EPHA8: variants seen among roughly 807,000 people sequenced by gnomAD.
EPHA8 encodes the protein ephrin type-A receptor 8.
Under a neutral mutation model 103.6 loss-of-function variants are expected in EPHA8, and 58 were observed. The ratio of observed to expected loss-of-function variants is 0.56; its 90% CI spans 0.45 to 0.70. The LOEUF is 0.70. EPHA8 is among the 30% of genes least tolerant of loss of function. The pLI is 0.00. For synonymous variants in EPHA8, 559 were observed against 572.5 expected, an observed-to-expected ratio of 0.98 and a Z score of 0.34; for missense variants, 1,304 against 1,395.2, an observed-to-expected ratio of 0.93 and a Z score of 1.04.
At chr1:22,600,837 C>T (rs373317645) in intron 14 of EPHA8, 27 bp downstream of exon 14, 21 of 1,590,338 alleles carry the variant, frequency 1.3e-5, no homozygotes, top group East Asian at 1.1e-4. Flanking sequence ...GGCAGGTCCG[C>T]GGGCGGTGGA....
chr1:22,597,894 A>T lies in EPHA8; in HGVS notation c.2116+33A>T, dbSNP rs776371574. ...CCGGGCAAAGACAGCCTCCCCCTGCAGTGCCCCTCCTGCCTGGAGAGGCCT... is the reference window on the plus strand; with the variant it reads ...CCGGGCAAAGACAGCCTCCCCCTGCTGTGCCCCTCCTGCCTGGAGAGGCCT... On this transcript the variant is annotated intron_variant, in intron 11 of 16. Coordinates refer to ENST00000166244, the MANE Select transcript of EPHA8 (RefSeq NM_020526.5). The surrounding 1 kb of genome is among the most constrained non-coding windows in gnomAD (Gnocchi z 4.6). 5 of 1,590,634 alleles carry T rather than the reference A, an allele frequency of 3.1e-6. No individual in the cohort carries two copies.
intron 3 of EPHA8, among the ~76,000 whole-genome samples, chr1:22,578,262 G>C (rs990773238): frequency 6.7e-6 from 1 of 148,372 alleles, no homozygotes; most frequent in South Asian, 2.2e-4. Flanking sequence ...CTGTATACCC[G>C]TGTGTGCATG....
At chr1:22,588,789 G>C in intron 4 of EPHA8, 82 bp from the exon 5 acceptor site, 1 of 1,501,778 alleles carries the variant, frequency 6.7e-7, no homozygotes, top group Non-Finnish European at 8.8e-7. Flanking sequence ...CCCTTCCCTT[G>C]GGGAGCCCCA....
chr1:22,599,160 G>A, intron 13 of EPHA8, 113 bp downstream of exon 13: 1 of 1,190,288 alleles, frequency 8.4e-7, no homozygotes, highest in Non-Finnish European at 1.2e-6. Flanking sequence ...GTTTCGGGGT[G>A]GCCCTCAACC....
In EPHA8 at chr1:22,586,480, C is replaced by A. The variant is rs754009354; in HGVS notation, c.824C>A (p.Ala275Asp). The change falls in exon 4 of 17, where the codon GCC (alanine) becomes GAC (aspartate). Residue 275 changes from alanine to aspartate, a missense_variant and splice_region_variant. Ala to Asp is a moderately radical substitution (Grantham distance 126). Transcript: ENST00000166244. ...TGTGCAGCCGCCTTCTCCTCCACAGCCTGTGAGCTGGGCTTCTACAAGTCA... is the reference window on the plus strand; with the variant it reads ...TGTGCAGCCGCCTTCTCCTCCACAGACTGTGAGCTGGGCTTCTACAAGTCA... ...GYEERRDACV[A>D]CELGFYKSAP... 4.3e-6 allele frequency: 7 copies of A among 1,613,224 alleles called. No individual in the cohort carries two copies. The highest frequency in any genetic ancestry group is 2.2e-5 in the East Asian group (1 of 44,868).
At chr1:22,587,555 ATTCTC>A (rs1641251864) in intron 4 of EPHA8, among the ~76,000 whole-genome samples, 1 of 151,530 alleles carries the variant, frequency 6.6e-6, no homozygotes, top group African/African-American at 2.4e-5. Flanking sequence ...CAGCGCCTGG[ATTCTC>A]TCCTCTCATG....
In EPHA8 at chr1:22,601,738, C is replaced by T; in HGVS notation, c.3015C>T (p.Leu1005=). 6.4e-7 allele frequency: 1 copy of T among 1,557,690 alleles called. No individual in the cohort carries two copies. Among genetic ancestry groups the T allele is most frequent in the East Asian group, 2.4e-5 (1 of 41,292 alleles). ...GCACCCAGGGGCCCCGCCGGCACCT[C>T]TGATGTACAGCCAGCAGGGCCCAGG... is the stretch of plus-strand genomic sequence containing the variant. The part of the protein sequence containing the change: ...LTSTQGPRRH[L] The change falls in exon 17 of 17, where the codon CTC becomes CTT. Residue 1005 remains leucine, a synonymous_variant. Transcript: ENST00000166244.
At chr1:22,578,110 GTGTGCGTGAGTGTATGCA>G (rs1173221310) in intron 3 of EPHA8, among the ~76,000 whole-genome samples, 2 of 47,088 alleles carry the variant, frequency 4.2e-5, no homozygotes, top group Admixed American at 2.7e-4. Context: ...GTGTATGCAT[GTGTGCGTGAGTGTATGCA>G]TGTGTGCATG....
At chr1:22,582,790 G>A (rs564436916) in intron 3 of EPHA8, among the ~76,000 whole-genome samples, 14 of 152,306 alleles carry the variant, frequency 9.2e-5, no homozygotes, top group Middle Eastern at 6.8e-3. Context: ...GCCTCTCAGC[G>A]CATCACCCAG....
rs371745101 is a variant in EPHA8, at chr1:22,578,885, GTGTGTGCA to G, written c.823+2019_823+2026del. 7.8e-3 allele frequency among the ~76,000 whole-genome samples: 1,175 copies of G among 149,742 alleles called. 11 individuals carry two copies. Among genetic ancestry groups the G allele is most frequent in the African/African-American group, 0.027 (1,093 of 40,074 alleles). ...TGTATATGCACGTGTCCGTGTGTCC[GTGTGTGCA>G]TGTGTGCATGTGTATGTATGCATGT... On this transcript the variant is annotated intron_variant, in intron 3 of 16. Coordinates refer to ENST00000166244, the MANE Select transcript of EPHA8 (RefSeq NM_020526.5).
intron 3 of EPHA8, among the ~76,000 whole-genome samples, chr1:22,579,058 T>C (rs539512663): frequency 2.2e-4 from 33 of 151,662 alleles, no homozygotes; most frequent in Non-Finnish European, 4.1e-4. Flanking sequence ...TTTGTGCATG[T>C]ATGTATGCAT....
At chr1:22,583,748 C>T (rs1424081117) in intron 3 of EPHA8, among the ~76,000 whole-genome samples, 2 of 152,230 alleles carry the variant, frequency 1.3e-5, no homozygotes, top group Admixed American at 1.3e-4. Context: ...CCTAATGTCA[C>T]TGAGCTCAGA....
rs1491523553 is a variant in EPHA8 at position 22,578,080 on chromosome 1, T to TATGTGTGCATGTAGCGTCA, written c.823+1200_823+1201insATGTGTGCATGTAGCGTCA. On this transcript the variant is annotated intron_variant, in intron 3 of 16. Coordinates refer to ENST00000166244, the MANE Select transcript of EPHA8 (RefSeq NM_020526.5). ...GCATGTGTGCATGAGTATGTATGCA[T>TATGTGTGCATGTAGCGTCA]GTGTGTGCATGTAGCGTCAGTGTAT... is the stretch of plus-strand genomic sequence containing the variant. Among the ~76,000 whole-genome samples, 4 of 81,868 alleles carry TATGTGTGCATGTAGCGTCA rather than the reference T, an allele frequency of 4.9e-5. 1 individual carries two copies. In the South Asian group the frequency reaches 1.6e-3, roughly 34 times the overall value. 53.7% of individuals were successfully genotyped at this position (81,868 alleles called of 152,430 possible).
rs749212078 is a variant in EPHA8 at position 22,596,163 on chromosome 1, G to T, written c.1755G>T (p.Gln585His). ...CGGACGAGGAGAAGATGCACTATCA[G>T]AATGGACAGGGTGAGTGCAGGGGCC... is the stretch of plus-strand genomic sequence containing the variant. ...QDSDEEKMHYQNGQAPPPVFL... is the reference protein window; with the variant it reads ...QDSDEEKMHYHNGQAPPPVFL... The change falls in exon 9 of 17, where the codon CAG (glutamine) becomes CAT (histidine). Residue 585 changes from glutamine to histidine, a missense_variant. Coordinates refer to ENST00000166244, the MANE Select transcript of EPHA8 (RefSeq NM_020526.5). 2 of 1,614,024 alleles carry T rather than the reference G, an allele frequency of 1.2e-6. No individual in the cohort carries two copies. Among genetic ancestry groups the T allele is most frequent in the Non-Finnish European group, 1.7e-6 (2 of 1,179,976 alleles).
At chr1:22,584,787 A>G (rs185395034) in intron 3 of EPHA8, among the ~76,000 whole-genome samples, 52 of 152,182 alleles carry the variant, frequency 3.4e-4, no homozygotes, top group African/African-American at 1.1e-3. Flanking sequence ...TAATGGTGGG[A>G]TCCATTCAAT....
chr1:22,566,870 G>A (rs1357288296), intron 1 of EPHA8, among the ~76,000 whole-genome samples: 1 of 152,196 alleles, frequency 6.6e-6, no homozygotes, highest in Non-Finnish European at 1.5e-5. Context: ...GGATGGGGAA[G>A]GTGGAGATGG....
intron 2 of EPHA8, among the ~76,000 whole-genome samples, chr1:22,572,996 G>A (rs745964781): frequency 2.0e-5 from 3 of 152,232 alleles, no homozygotes; most frequent in Non-Finnish European, 2.9e-5. Flanking sequence ...TAATTTATCC[G>A]GGTCCCTGGC....
intron 2 of EPHA8, among the ~76,000 whole-genome samples, chr1:22,570,336 G>A (rs1367577084): frequency 1.4e-5 from 2 of 141,572 alleles, no homozygotes; most frequent in East Asian, 4.1e-4. Flanking sequence ...ACACGCACAT[G>A]CACATGCGTG....
At position 22,575,526 on chromosome 1, in the gene EPHA8, C is replaced by T. The variant is rs79755590; in HGVS notation, c.160-691C>T. On this transcript the variant is annotated intron_variant, in intron 2 of 16. Transcript: ENST00000166244. ...AGCTACATGATTTGCACATAGCTTC[C>T]CCCATTTCCTGGGTTACCTTTTCAC... 1.1e-4 allele frequency among the ~76,000 whole-genome samples: 17 copies of T among 152,294 alleles called. No individual in the cohort carries two copies. In the East Asian group the frequency reaches 3.3e-3, roughly 29 times the overall value.
Sources: gnomAD v4.1 joint callset for allele counts (sites outside exome capture counted in the v4.1 genomes callset) on GRCh38, gnomAD v4.1.1 for gene constraint, Gnocchi (gnomAD v3.1) non-coding constraint, MANE v1.5 for transcripts, NCBI Gene and HGNC (gene_info 2026-07-23, HGNC 2026-07-21) for gene names.